PEX13: variants seen among roughly 807,000 people sequenced by gnomAD.
PEX13 encodes the protein peroxisome biogenesis factor 13.
PEX13 carries 28 observed loss-of-function variants against 34.5 expected under a neutral mutation model. The ratio of observed to expected loss-of-function variants is 0.81; its 90% CI spans 0.60 to 1.11. The LOEUF (loss-of-function observed/expected upper bound fraction) is 1.11, where lower values mean the gene tolerates loss of function less well. Ranked by LOEUF, PEX13 falls within the 50% of genes most tolerant of loss-of-function variation. PEX13 has a pLI of 0.00. For missense variants in PEX13, 550 were observed against 491.0 expected, an observed-to-expected ratio of 1.12 and a Z score of -1.13; for synonymous variants, 177 against 175.1, an observed-to-expected ratio of 1.01 and a Z score of -0.09.
intron 2 of PEX13, among the ~76,000 whole-genome samples, chr2:61,040,804 GTATA>G (rs1187480893): frequency 6.8e-6 from 1 of 146,232 alleles, no homozygotes; most frequent in East Asian, 2.0e-4. Flanking sequence ...GTATATATAA[GTATA>G]TATGTATATA....
At chr2:61,042,694 C>A (rs1299521674) in intron 2 of PEX13, among the ~76,000 whole-genome samples, 1 of 152,018 alleles carries the variant, frequency 6.6e-6, no homozygotes, top group African/African-American at 2.4e-5. Context: ...GAGGCTGCAA[C>A]CAAAATAAGT....
intron 1 of PEX13, chr2:61,019,031 A>G (rs548635389): frequency 6.6e-6 from 1 of 152,414 alleles, no homozygotes; most frequent in South Asian, 2.1e-4. Context: ...TGCCAGACTT[A>G]TGTCGAATTT....
intron 2 of PEX13, among the ~76,000 whole-genome samples, chr2:61,044,600 G>A (rs1305255950): frequency 2.0e-5 from 3 of 152,024 alleles, no homozygotes; most frequent in African/African-American, 7.3e-5. Context: ...TGGTCAGGCT[G>A]GTCTCAAACT....
rs1306812627 is a variant in PEX13, at chr2:61,017,859, T to G, written c.92+8T>G. The G allele has an allele frequency of 6.5e-7, 1 of 1,550,066 alleles. No individual in the cohort carries two copies. Among genetic ancestry groups the G allele is most frequent in the East Asian group, 2.4e-5 (1 of 41,060 alleles). On this transcript the variant is annotated splice_region_variant and intron_variant, in intron 1 of 3. Transcript: ENST00000295030. ...ACCGGGCCCCACTTTCCAGTGAGTG[T>G]GGGATTCTTCAGGCTGTGAGTTTAG...
chr2:61,031,774 A>G lies in PEX13; in HGVS notation c.448A>G (p.Thr150Ala), dbSNP rs202104210. The G allele has an allele frequency of 8.7e-6, 14 of 1,613,276 alleles. No individual in the cohort carries two copies. Among genetic ancestry groups the G allele is most frequent in the Non-Finnish European group, 1.1e-5 (13 of 1,179,302 alleles). ...CTCTGTCAGTATGATGATGGATGCT[A>G]CCTTTTCAGCTGTCTATAACAGTTT... Reference protein sequence around the residue: ...FASVSMMMDATFSAVYNSFRA... With the variant: ...FASVSMMMDAAFSAVYNSFRA... Residue 150 changes from threonine (T) to alanine (A), a missense_variant, in exon 2 of 4, where the codon ACC (threonine) becomes GCC (alanine). Physicochemically the swap from Thr to Ala is moderately conservative, Grantham distance 58. Transcript: ENST00000295030.
intron 2 of PEX13, among the ~76,000 whole-genome samples, chr2:61,040,833 A>C (rs182114551): frequency 1.4e-5 from 2 of 148,044 alleles, no homozygotes; most frequent in Non-Finnish European, 3.0e-5. Context: ...ATATATGTGT[A>C]TATATATAAA....
chr2:61,018,175 T>C, intron 1 of PEX13: 1 of 1,550,810 alleles, frequency 6.4e-7, no homozygotes, highest in Non-Finnish European at 8.7e-7. Context: ...GGCTTCTCTA[T>C]CTTTAAAGCG....
At chr2:61,024,833 A>G (rs1314475192) in intron 1 of PEX13, among the ~76,000 whole-genome samples, 1 of 152,040 alleles carries the variant, frequency 6.6e-6, no homozygotes, top group African/African-American at 2.4e-5. Flanking sequence ...AACAAAAAAA[A>G]CAGTCATTGA....
chr2:61,036,688 C>T (rs1466971343), intron 2 of PEX13, among the ~76,000 whole-genome samples: 1 of 152,140 alleles, frequency 6.6e-6, no homozygotes, highest in East Asian at 1.9e-4. Flanking sequence ...ATTGTAAAGA[C>T]CATCAACGCT....
At chr2:61,046,933 C>T (rs1488795456) in intron 3 of PEX13, among the ~76,000 whole-genome samples, 1 of 152,086 alleles carries the variant, frequency 6.6e-6, no homozygotes, top group Non-Finnish European at 1.5e-5. Context: ...TTACAAAAAA[C>T]CTAGACTTAA....
At chr2:61,022,231 C>A (rs771321484) in intron 1 of PEX13, among the ~76,000 whole-genome samples, 2 of 152,108 alleles carry the variant, frequency 1.3e-5, no homozygotes, top group African/African-American at 4.8e-5. Context: ...CAAACTTCTC[C>A]GAGCTAAAGG....
intron 1 of PEX13, among the ~76,000 whole-genome samples, chr2:61,027,189 AAAG>A (rs1680371940): frequency 6.6e-6 from 1 of 151,570 alleles, no homozygotes; most frequent in South Asian, 2.1e-4. Context: ...AAAAAAAAAA[AAAG>A]GCAGGCATGG....
rs540876118 is a variant in PEX13 at position 61,031,379 on chromosome 2, G to C, written c.93-40G>C. 9 of 1,436,774 alleles carry C rather than the reference G, an allele frequency of 6.3e-6. No homozygotes were observed. In the African/African-American group the frequency reaches 8.4e-5, roughly 13 times the overall value. 89.0% of individuals were successfully genotyped at this position (1,436,774 alleles called of 1,614,324 possible). A position where few individuals can be genotyped will look rare whatever the true frequency, so the allele number is the denominator to read the frequency against. ...ATACTTACTTTGAATTGAATTTATT[G>C]TATGCTTAAATAACTGTTTTGAATC... On this transcript the variant is annotated intron_variant, in intron 1 of 3. Coordinates refer to ENST00000295030, the MANE Select transcript of PEX13 (RefSeq NM_002618.4).
At chr2:61,044,158 C>G (rs1680668867) in intron 2 of PEX13, among the ~76,000 whole-genome samples, 1 of 152,142 alleles carries the variant, frequency 6.6e-6, no homozygotes, top group African/African-American at 2.4e-5. Flanking sequence ...CTGTGTTGCT[C>G]AGGCTGGTCT....
At chr2:61,040,054 CAGTT>C (rs1456897871) in intron 2 of PEX13, among the ~76,000 whole-genome samples, 1 of 152,112 alleles carries the variant, frequency 6.6e-6, no homozygotes, top group African/African-American at 2.4e-5. Flanking sequence ...CATCTCATGC[CAGTT>C]AGAATGATCA....
intron 2 of PEX13, among the ~76,000 whole-genome samples, chr2:61,039,834 A>G (rs1421611847): frequency 1.3e-5 from 2 of 152,204 alleles, no homozygotes; most frequent in African/African-American, 2.4e-5. Context: ...AATGTTTGCA[A>G]TCTACCCATC....
Position 61,048,482 on chromosome 2 carries a change from C to G in PEX13, c.924C>G (p.Pro308=). Residue 308 remains proline, a synonymous_variant, in exon 4 of 4, where the codon CCC becomes CCG. Transcript: ENST00000295030. ...TTTTTTTTCCATCAGAACAACAACC[C>G]AAAGTGCGTGGTTGGCTTCTGGCTA... is the stretch of plus-strand genomic sequence containing the variant. The part of the protein sequence containing the change: ...MLNLALKEQQ[P]KVRGWLLASL... 1 of 1,613,716 alleles carries G rather than the reference C, an allele frequency of 6.2e-7. No individual in the cohort carries two copies. Among genetic ancestry groups the G allele is most frequent in the Non-Finnish European group, 8.5e-7 (1 of 1,179,770 alleles).
At chr2:61,045,882 T>C (rs1363277122) in intron 3 of PEX13, 31 bp downstream of exon 3, 2 of 1,560,968 alleles carry the variant, frequency 1.3e-6, no homozygotes, top group Non-Finnish European at 1.8e-6. Context: ...TGGAATTATC[T>C]GTAAATTTTG....
rs367945635 is a variant in PEX13, at chr2:61,018,119, G to T, written c.92+268G>T. 87 of 1,547,572 alleles carry T rather than the reference G, an allele frequency of 5.6e-5. No homozygotes were observed. The African/African-American group carries it at 6.4e-4, about 11-fold the overall frequency. On this transcript the variant is annotated intron_variant, in intron 1 of 3. Coordinates refer to ENST00000295030, the MANE Select transcript of PEX13 (RefSeq NM_002618.4). ...CTGGGTCTCTGTGCTTGAAAGAAAGGGGGGCGGCTTCCTACCTACCGCTTC... is the reference window on the plus strand; with the variant it reads ...CTGGGTCTCTGTGCTTGAAAGAAAGTGGGGCGGCTTCCTACCTACCGCTTC...
Sources: allele counts gnomAD v4.1 joint callset (sites outside exome capture counted in the v4.1 genomes callset), GRCh38; gene constraint gnomAD v4.1.1; transcripts MANE v1.5; gene names NCBI Gene and HGNC (gene_info 2026-07-23, HGNC 2026-07-21).